The following CREBBP variants were observed in gnomAD, a reference collection of about 807,000 sequenced individuals.
CREBBP encodes the protein CREB binding lysine acetyltransferase, also known as CREB-binding protein.
In CREBBP, 19 loss-of-function variants were observed where a neutral mutation model predicts 265.0. The ratio of observed to expected loss-of-function variants is 0.07; its 90% CI spans 0.05 to 0.11. CREBBP has a LOEUF of 0.11. Among genes scored for constraint, CREBBP ranks in the 10% least tolerant of loss-of-function variants. CREBBP has a pLI of 1.00. For synonymous variants in CREBBP, 1,457 were observed against 1,223.7 expected (o/e 1.19, Z -3.98); for missense variants, 2,525 against 3,219.0 (o/e 0.78, Z 5.22).
intron 27 of CREBBP, 112 bp from the exon 28 acceptor site, chr16:3,736,315 ATG>A: frequency 8.9e-7 from 1 of 1,129,228 alleles, no homozygotes; most frequent in South Asian, 1.3e-5. Context: ...GCAGAGTCCC[ATG>A]CATGTGTGCC....
At position 3,850,528 on chromosome 16, in the gene CREBBP, G is replaced by A. The variant is rs2141491915; in HGVS notation, c.567C>T (p.Leu189=). The change falls in exon 2 of 31, where the codon CTC becomes CTT. Residue 189 remains leucine (L), a synonymous_variant. Coordinates refer to ENST00000262367, the MANE Select transcript of CREBBP (RefSeq NM_004380.3). ...ANFNQTHPGL[L]NSNSGHSLIN... ...TTAAGCTATGGCCAGAGTTACTATT[G>A]AGGAGGCCTGGGTGGGTCTGGTTAA... is the stretch of plus-strand genomic sequence containing the variant. 1.2e-6 allele frequency: 2 copies of A among 1,614,242 alleles called. No individual in the cohort carries two copies. The highest frequency in any genetic ancestry group is 1.7e-6 in the Non-Finnish European group (2 of 1,180,040).
At chr16:3,859,553 C>T (rs961828063) in intron 1 of CREBBP, among the ~76,000 whole-genome samples, 2 of 152,042 alleles carry the variant, frequency 1.3e-5, no homozygotes, top group South Asian at 2.1e-4. Context: ...TAGGTAGCTT[C>T]GGACAGGAGC....
At chr16:3,777,548 A>G in intron 11 of CREBBP, 65 bp downstream of exon 11, 4 of 1,532,914 alleles carry the variant, frequency 2.6e-6, no homozygotes, top group Non-Finnish European at 2.7e-6. Context: ...GAGAGGAAAA[A>G]ACAGTGAAAG....
At chr16:3,819,356 G>A (rs1019926780) in intron 2 of CREBBP, among the ~76,000 whole-genome samples, 8 of 152,218 alleles carry the variant, frequency 5.3e-5, no homozygotes, top group African/African-American at 1.4e-4. Context: ...TCCTATATGC[G>A]AAGCACTAAG....
At chr16:3,782,635 T>G in intron 6 of CREBBP, 49 bp downstream of exon 6, 1 of 1,609,778 alleles carries the variant, frequency 6.2e-7, no homozygotes, top group African/African-American at 1.3e-5. Flanking sequence ...TCCATTCCCT[T>G]TGCTGCATGT....
chr16:3,879,768 G>T (rs2055486169), intron 1 of CREBBP, 64 bp downstream of exon 1: 2 of 1,498,182 alleles, frequency 1.3e-6, no homozygotes, highest in Admixed American at 3.9e-5. Context: ...ACCCCCGGAC[G>T]CTCTCTTTCA....
Position 3,726,245 on chromosome 16 carries a change from G to T in CREBBP, c.*1473C>A, listed in dbSNP as rs369136324. ...AGATTCTGGGAGTCGTGTACGGGGG[G>T]GGGGAGCCGCCTGAACACGGGAAGA... On this transcript the variant is annotated 3_prime_UTR_variant, in exon 31 of 31. Coordinates refer to ENST00000262367, the MANE Select transcript of CREBBP (RefSeq NM_004380.3). 46 of 232,260 alleles carry T rather than the reference G, an allele frequency of 2.0e-4. No homozygotes were observed. Among genetic ancestry groups the T allele is most frequent in the Non-Finnish European group, 2.8e-4 (33 of 117,904 alleles). 14.4% of individuals were successfully genotyped at this position (232,260 alleles called of 1,614,324 possible).
intron 2 of CREBBP, among the ~76,000 whole-genome samples, chr16:3,849,210 C>T (rs1016209075): frequency 3.3e-4 from 22 of 66,094 alleles, no homozygotes; most frequent in African/African-American, 1.1e-3. Context: ...GAATAGGCTG[C>T]CCTTCCTTCT....
At position 3,731,620 on chromosome 16, in the gene CREBBP, G is replaced by A. The variant is rs1416404976; in HGVS notation, c.4891-147C>T. Reference sequence around the variant, plus strand: ...TGCCTTGGGATGGAACAAAATTGGTGACACGTTGCATGATGTCACCCAACT... The same window carrying A: ...TGCCTTGGGATGGAACAAAATTGGTAACACGTTGCATGATGTCACCCAACT... On this transcript the variant is annotated intron_variant, in intron 29 of 30. Transcript: ENST00000262367. This position sits in a 1 kb window ranked among gnomAD's most constrained non-coding sequence, Gnocchi z 7.7. The A allele has an allele frequency of 7.1e-7, 1 of 1,399,058 alleles. No homozygotes were observed. Among genetic ancestry groups the A allele is most frequent in the South Asian group, 1.2e-5 (1 of 85,636 alleles). The allele number at this position is 1,399,058 out of a possible 1,614,324, so 86.7% of individuals were successfully genotyped here. A position where few individuals can be genotyped will look rare whatever the true frequency, so the allele number is the denominator to read the frequency against.
intron 8 of CREBBP, among the ~76,000 whole-genome samples, chr16:3,779,933 G>GTC (rs920866230): frequency 5.9e-5 from 9 of 151,724 alleles, no homozygotes; most frequent in South Asian, 2.1e-4. Flanking sequence ...GCAAGACTCC[G>GTC]TCTCTCTCTC....
chr16:3,777,956 G>C (rs553107830), intron 10 of CREBBP, 55 bp downstream of exon 10: 1 of 1,582,712 alleles, frequency 6.3e-7, no homozygotes, highest in Non-Finnish European at 8.7e-7. Flanking sequence ...CCCCAAACAC[G>C]AAGGAAAACC....
chr16:3,853,378 A>G (rs1012512796), intron 1 of CREBBP, among the ~76,000 whole-genome samples: 5 of 152,160 alleles, frequency 3.3e-5, no homozygotes, highest in African/African-American at 1.2e-4. Flanking sequence ...TGGGAGGCCA[A>G]GGTAGGCGGA....
At chr16:3,838,025 C>T (rs1379552205) in intron 2 of CREBBP, among the ~76,000 whole-genome samples, 1 of 152,158 alleles carries the variant, frequency 6.6e-6, no homozygotes. Flanking sequence ...GCCACACACA[C>T]CAGGATCTAT....
At chr16:3,811,531 C>T (rs767300652) in intron 2 of CREBBP, among the ~76,000 whole-genome samples, 1 of 152,206 alleles carries the variant, frequency 6.6e-6, no homozygotes, top group Non-Finnish European at 1.5e-5. Flanking sequence ...TGCTCTGTCG[C>T]CTAGGCTGGA....
intron 16 of CREBBP, among the ~76,000 whole-genome samples, chr16:3,761,730 A>G (rs913167337): frequency 6.6e-6 from 1 of 152,264 alleles, no homozygotes; most frequent in Non-Finnish European, 1.5e-5. Flanking sequence ...GGCCTGGTCC[A>G]GGGTGCAGAC....
chr16:3,817,133 G>A (rs1018584829), intron 2 of CREBBP, among the ~76,000 whole-genome samples: 6 of 152,184 alleles, frequency 3.9e-5, no homozygotes, highest in South Asian at 2.1e-4. Context: ...ATGGTGAAAC[G>A]GGTGTGTGTG....
chr16:3,737,397 G>A (rs191397184), intron 26 of CREBBP, among the ~76,000 whole-genome samples: 162 of 151,950 alleles, frequency 1.1e-3, no homozygotes, highest in Non-Finnish European at 4.6e-4. Context: ...ATTAGTGGTC[G>A]CCTGGGGCAG....
intron 2 of CREBBP, among the ~76,000 whole-genome samples, chr16:3,849,221 C>G (rs2054731755): frequency 1.3e-4 from 1 of 7,916 alleles, no homozygotes; most frequent in Admixed American, 2.3e-3. Context: ...CCTTCCTTCT[C>G]TGTGCTCCTG....
At chr16:3,868,784 C>T (rs2055232381) in intron 1 of CREBBP, among the ~76,000 whole-genome samples, 1 of 152,190 alleles carries the variant, frequency 6.6e-6, no homozygotes, top group African/African-American at 2.4e-5. Context: ...CCCACCACAC[C>T]ACACAACTCA....
Sources: gnomAD v4.1 joint callset for allele counts (sites outside exome capture counted in the v4.1 genomes callset) on GRCh38, gnomAD v4.1.1 for gene constraint, Gnocchi (gnomAD v3.1) non-coding constraint, MANE v1.5 for transcripts, NCBI Gene and HGNC (gene_info 2026-07-23, HGNC 2026-07-21) for gene names.